Variants in SH3RF3 observed in about 807,000 individuals in gnomAD.
The protein encoded by SH3RF3 is E3 ubiquitin-protein ligase SH3RF3.
A neutral mutation model predicts 66.3 loss-of-function variants in SH3RF3; 29 were observed. The ratio of observed to expected loss-of-function variants is 0.44; its 90% CI spans 0.33 to 0.60. SH3RF3 has a LOEUF of 0.60. Ranked by LOEUF, SH3RF3 falls within the 20% of genes least tolerant of loss-of-function variation. SH3RF3 has a pLI of 0.04. For missense variants in SH3RF3, 1,194 were observed against 1,190.9 expected, an observed-to-expected ratio of 1.00 and a Z score of -0.04; for synonymous variants, 583 against 532.0, an observed-to-expected ratio of 1.10 and a Z score of -1.32.
At chr2:109,176,379 C>G (rs992678233) in intron 1 of SH3RF3, among the ~76,000 whole-genome samples, 1 of 151,692 alleles carries the variant, frequency 6.6e-6, no homozygotes, top group Non-Finnish European at 1.5e-5. Context: ...GAGAGAACAC[C>G]ATGTGCAATG....
chr2:109,454,137 G>T (rs895005005), intron 8 of SH3RF3, among the ~76,000 whole-genome samples: 7 of 152,168 alleles, frequency 4.6e-5, no homozygotes, highest in African/African-American at 1.7e-4. Flanking sequence ...GAAAACAAAG[G>T]TACTGCTTAA....
chr2:109,140,622 C>T (rs1280591807), intron 1 of SH3RF3, among the ~76,000 whole-genome samples: 1 of 152,112 alleles, frequency 6.6e-6, no homozygotes, highest in Non-Finnish European at 1.5e-5. Flanking sequence ...ACCTCATGAT[C>T]CACCTGCCTC....
chr2:109,251,011 A>T (rs144196709), intron 1 of SH3RF3, among the ~76,000 whole-genome samples: 2,622 of 150,662 alleles, frequency 0.017, 81 homozygotes, highest in African/African-American at 0.06. Flanking sequence ...TTATTTATTT[A>T]TTTTTTTTGA....
chr2:109,372,181 G>C (rs1453910715), intron 3 of SH3RF3, among the ~76,000 whole-genome samples: 1 of 152,248 alleles, frequency 6.6e-6, no homozygotes, highest in Non-Finnish European at 1.5e-5. Context: ...AGGCACCACA[G>C]CAAAGGTGTT....
chr2:109,426,395 T>C (rs1231960642), intron 5 of SH3RF3, among the ~76,000 whole-genome samples: 2 of 152,234 alleles, frequency 1.3e-5, no homozygotes, highest in Admixed American at 1.3e-4. Flanking sequence ...CTTCCAATCC[T>C]CATGGATGAC....
chr2:109,472,803 C>T (rs1488530409), intron 8 of SH3RF3, among the ~76,000 whole-genome samples: 1 of 152,148 alleles, frequency 6.6e-6, no homozygotes, highest in Non-Finnish European at 1.5e-5. Context: ...AGCCAGACGC[C>T]CGTTGGAAAT....
chr2:109,438,168 C>A (rs1386085908), intron 7 of SH3RF3, among the ~76,000 whole-genome samples: 2 of 152,204 alleles, frequency 1.3e-5, no homozygotes, highest in Non-Finnish European at 2.9e-5. Flanking sequence ...TCAGCAGAGG[C>A]CATATTTCCT....
At chr2:109,480,276 C>A (rs1650417828) in intron 8 of SH3RF3, among the ~76,000 whole-genome samples, 1 of 152,204 alleles carries the variant, frequency 6.6e-6, no homozygotes, top group Non-Finnish European at 1.5e-5. Flanking sequence ...GTGCCCAGCA[C>A]TTGAGCCCCA....
intron 1 of SH3RF3, among the ~76,000 whole-genome samples, chr2:109,204,366 CTTA>C (rs1160771643): frequency 7.2e-5 from 11 of 152,194 alleles, no homozygotes; most frequent in Middle Eastern, 3.2e-3. Flanking sequence ...ATCTCCTTAT[CTTA>C]TCTTTTAAAT....
intron 1 of SH3RF3, among the ~76,000 whole-genome samples, chr2:109,317,114 A>G (rs922716061): frequency 6.6e-6 from 1 of 151,846 alleles, no homozygotes; most frequent in Admixed American, 6.6e-5. Context: ...CTAAACTTTC[A>G]TGAGTGGGTT....
In SH3RF3 at chr2:109,143,450, A is replaced by G. The variant is rs1211075766; in HGVS notation, c.573+13337A>G. Among the ~76,000 whole-genome samples, 5 of 152,138 alleles carry G rather than the reference A, an allele frequency of 3.3e-5. No individual in the cohort carries two copies. The East Asian group carries it at 9.6e-4, about 29-fold the overall frequency. ...GTCCATCACCAGATGAATGATAAAGAAAGTGCAGTGGGCTGGGTGCAGTGG... is the reference window on the plus strand; with the variant it reads ...GTCCATCACCAGATGAATGATAAAGGAAGTGCAGTGGGCTGGGTGCAGTGG... On this transcript the variant is annotated intron_variant, in intron 1 of 9. Transcript: ENST00000309415.
intron 1 of SH3RF3, among the ~76,000 whole-genome samples, chr2:109,279,358 T>C (rs1291944939): frequency 6.6e-6 from 1 of 152,194 alleles, no homozygotes; most frequent in Non-Finnish European, 1.5e-5. Flanking sequence ...ACAATTAGGC[T>C]AAATCGGCAG....
intron 1 of SH3RF3, among the ~76,000 whole-genome samples, chr2:109,130,734 G>A (rs1676674094): frequency 6.6e-6 from 1 of 152,172 alleles, no homozygotes; most frequent in South Asian, 2.1e-4. Context: ...GGGCTCCCAG[G>A]CAGGGTTGCA....
intron 5 of SH3RF3, among the ~76,000 whole-genome samples, chr2:109,428,872 G>A (rs7370992): frequency 0.51 from 78,006 of 151,590 alleles, 21,226 homozygotes; most frequent in African/African-American, 0.7. Context: ...GAGCCAGGAG[G>A]TTGTGAGCCC....
intron 4 of SH3RF3, among the ~76,000 whole-genome samples, chr2:109,409,380 A>G (rs1676529785): frequency 6.6e-6 from 1 of 152,250 alleles, no homozygotes; most frequent in African/African-American, 2.4e-5. Flanking sequence ...TCCACCCTGC[A>G]GTATCAGAGC....
intron 1 of SH3RF3, among the ~76,000 whole-genome samples, chr2:109,219,493 T>A (rs570973967): frequency 6.6e-6 from 1 of 151,370 alleles, no homozygotes; most frequent in Admixed American, 6.6e-5. Context: ...GCTTCCAAAT[T>A]GGAAAAAAAA....
chr2:109,170,234 CTTCTTTTCTT>C (rs1188853288), intron 1 of SH3RF3, among the ~76,000 whole-genome samples: 1,181 of 65,542 alleles, frequency 0.018, 40 homozygotes, highest in African/African-American at 0.059. Context: ...CTTCTCTTCT[CTTCTTTTCTT>C]TTCTCTTCTC....
chr2:109,424,108 G>T (rs1326581606), intron 5 of SH3RF3, among the ~76,000 whole-genome samples: 1 of 152,226 alleles, frequency 6.6e-6, no homozygotes, highest in East Asian at 1.9e-4. Flanking sequence ...CTGGAGGCAG[G>T]CCCTGAGATG....
At chr2:109,186,198 C>G (rs1176368591) in intron 1 of SH3RF3, among the ~76,000 whole-genome samples, 2 of 152,242 alleles carry the variant, frequency 1.3e-5, no homozygotes, top group Non-Finnish European at 2.9e-5. Flanking sequence ...CTGTTTTTGC[C>G]TCACTGAAAA....
Sources: gnomAD v4.1 joint callset for allele counts (sites outside exome capture counted in the v4.1 genomes callset) on GRCh38, gnomAD v4.1.1 for gene constraint, MANE v1.5 for transcripts, NCBI Gene and HGNC (gene_info 2026-07-23, HGNC 2026-07-21) for gene names.